Variants in C10orf90 observed in about 807,000 individuals in gnomAD.
C10orf90 encodes (E2-independent) E3 ubiquitin-conjugating enzyme FATS.
A neutral mutation model predicts 62.5 loss-of-function variants in C10orf90; 56 were observed. That is an observed-to-expected ratio of 0.90 (90% CI 0.72 to 1.12). The LOEUF (loss-of-function observed/expected upper bound fraction) is 1.12. Among genes scored for constraint, C10orf90 ranks in the 50% most tolerant of loss-of-function variants. The pLI is 0.00. For synonymous variants in C10orf90, 386 were observed against 340.4 expected (o/e 1.13, Z -1.47); for missense variants, 970 against 880.4 (o/e 1.10, Z -1.29).
At position 126,649,078 on chromosome 10, in the gene C10orf90, C is replaced by G. The variant is rs868610596; in HGVS notation, c.241-2441G>C. On this transcript the variant is annotated intron_variant, in intron 1 of 9. Coordinates refer to ENST00000488181, the MANE Select transcript of C10orf90 (RefSeq NM_001350921.2). ...TCTCTCTCTCTCTCTCTCTCCCCCC[C>G]CCCCAGCAATTCACAATGGATGGCA... 2.5e-3 allele frequency among the ~76,000 whole-genome samples: 260 copies of G among 106,052 alleles called. 3 individuals are homozygous for G. Among genetic ancestry groups the G allele is most frequent in the African/African-American group, 7.4e-3 (203 of 27,554 alleles). 69.6% of individuals were successfully genotyped at this position (106,052 alleles called of 152,430 possible).
At chr10:126,457,085 C>G (rs1404091091) in intron 7 of C10orf90, among the ~76,000 whole-genome samples, 1 of 152,180 alleles carries the variant, frequency 6.6e-6, no homozygotes, top group Non-Finnish European at 1.5e-5. Context: ...CCTAGCGAAG[C>G]TCAGGTGATC....
chr10:126,490,740 T>C (rs1488791151), intron 4 of C10orf90, among the ~76,000 whole-genome samples: 1 of 152,114 alleles, frequency 6.6e-6, no homozygotes, highest in Non-Finnish European at 1.5e-5. Flanking sequence ...AGAATCTATA[T>C]ATCTCTATTT....
intron 2 of C10orf90, chr10:126,524,527 G>A: frequency 1.5e-6 from 1 of 651,014 alleles, no homozygotes; most frequent in Non-Finnish European, 1.9e-6. Context: ...GAGAGTCAGG[G>A]CTTAGGCAGC....
intron 2 of C10orf90, among the ~76,000 whole-genome samples, chr10:126,631,285 G>A (rs901833783): frequency 5.9e-5 from 9 of 152,078 alleles, no homozygotes; most frequent in African/African-American, 1.2e-4. Context: ...TACTACTCAC[G>A]CCATTTCTTG....
intron 4 of C10orf90, among the ~76,000 whole-genome samples, chr10:126,476,908 C>CTT (rs10590718): frequency 0.12 from 14,557 of 120,580 alleles, 1,038 homozygotes; most frequent in Non-Finnish European, 0.14. Context: ...CACCATTTTC[C>CTT]TTTTTTTTTT....
intron 2 of C10orf90, among the ~76,000 whole-genome samples, chr10:126,635,102 A>C (rs751627869): frequency 6.6e-6 from 1 of 152,218 alleles, no homozygotes; most frequent in Non-Finnish European, 1.5e-5. Context: ...TAAAAAGAAC[A>C]AATCAAGCTT....
intron 2 of C10orf90, among the ~76,000 whole-genome samples, chr10:126,639,656 C>A (rs1846021103): frequency 6.6e-6 from 1 of 152,206 alleles, no homozygotes; most frequent in South Asian, 2.1e-4. Flanking sequence ...TGCCTTGGTA[C>A]ACAAGAGGCA....
chr10:126,473,147 C>T (rs892645852), intron 4 of C10orf90, among the ~76,000 whole-genome samples: 2 of 152,196 alleles, frequency 1.3e-5, no homozygotes, highest in Non-Finnish European at 1.5e-5. Context: ...GCCCCACATT[C>T]CTACAACCAC....
In C10orf90 at chr10:126,486,625, A is replaced by G. The variant is rs144786073; in HGVS notation, c.1534+17332T>C. ...AATTAATTTATGAATGAAGAGCATG[A>G]GACTATAAAGATTACCAGAGTGATT... On this transcript the variant is annotated intron_variant, in intron 4 of 9. Transcript: ENST00000488181. Among the ~76,000 whole-genome samples, 377 of 152,296 alleles carry G rather than the reference A, an allele frequency of 2.5e-3. 3 individuals are homozygous for G. The highest frequency in any genetic ancestry group is 8.3e-3 in the African/African-American group (345 of 41,552).
chr10:126,459,834 C>T (rs893575870), intron 6 of C10orf90, among the ~76,000 whole-genome samples: 2 of 152,202 alleles, frequency 1.3e-5, no homozygotes, highest in Non-Finnish European at 2.9e-5. Context: ...CTCCCACCTC[C>T]ATGCACTAAG....
chr10:126,627,074 G>A (rs557919414), intron 2 of C10orf90, among the ~76,000 whole-genome samples: 9 of 144,394 alleles, frequency 6.2e-5, no homozygotes, highest in Non-Finnish European at 8.9e-5. Context: ...ATCTTGGCTC[G>A]CTGCAACCTC....
chr10:126,554,371 G>T lies in C10orf90; in HGVS notation c.314-40432C>A, dbSNP rs184328251. On this transcript the variant is annotated intron_variant, in intron 2 of 9. Coordinates refer to ENST00000488181, the MANE Select transcript of C10orf90 (RefSeq NM_001350921.2). ...TGCTTATCTTGGTGAGGCAGCTGGA[G>T]ATAGTAGTTATGGATGAGGAAAGCC... Among the ~76,000 whole-genome samples, 129 of 152,250 alleles carry T rather than the reference G, an allele frequency of 8.5e-4. 3 individuals carry two copies. The East Asian group carries it at 0.019, about 22-fold the overall frequency.
intron 4 of C10orf90, among the ~76,000 whole-genome samples, chr10:126,485,392 G>T (rs1861374614): frequency 6.6e-6 from 1 of 152,124 alleles, no homozygotes; most frequent in African/African-American, 2.4e-5. Flanking sequence ...AAGTCCACTT[G>T]TATAAATGGA....
At chr10:126,654,971 T>C (rs1000939453) in intron 1 of C10orf90, among the ~76,000 whole-genome samples, 2 of 152,126 alleles carry the variant, frequency 1.3e-5, no homozygotes, top group African/African-American at 4.8e-5. Flanking sequence ...AGCAGTTTCT[T>C]GATTAAGTTT....
intron 4 of C10orf90, among the ~76,000 whole-genome samples, chr10:126,497,458 C>T (rs947315652): frequency 5.3e-5 from 8 of 152,316 alleles, no homozygotes; most frequent in Middle Eastern, 3.4e-3. Flanking sequence ...ATCGCTTCTT[C>T]ACCACGTTCT....
Position 126,493,518 on chromosome 10 carries a change from G to A in C10orf90, c.1534+10439C>T, listed in dbSNP as rs983445701. 2.0e-5 allele frequency among the ~76,000 whole-genome samples: 3 copies of A among 152,106 alleles called. No homozygotes were observed. The East Asian group carries it at 5.8e-4, about 29-fold the overall frequency. ...TGGGATTACAGGTGCCTGCCACCAC[G>A]CCTAGTTTTTGTATTTTTAGTAGAG... is the stretch of plus-strand genomic sequence containing the variant. On this transcript the variant is annotated intron_variant, in intron 4 of 9. Coordinates refer to ENST00000488181, the MANE Select transcript of C10orf90 (RefSeq NM_001350921.2).
chr10:126,521,721 C>A (rs992310360), intron 2 of C10orf90, among the ~76,000 whole-genome samples: 2 of 152,172 alleles, frequency 1.3e-5, no homozygotes, highest in African/African-American at 4.8e-5. Flanking sequence ...AATTTTTTTA[C>A]AAATGGTTTA....
At chr10:126,562,293 C>A (rs1290381206) in intron 2 of C10orf90, among the ~76,000 whole-genome samples, 1 of 152,200 alleles carries the variant, frequency 6.6e-6, no homozygotes, top group Admixed American at 6.5e-5. Context: ...TTACCCCCTG[C>A]CCTCCCTTAG....
At chr10:126,461,640 GCTC>G (rs1859987079) in intron 5 of C10orf90, 55 bp from the exon 6 acceptor site, 1 of 1,541,892 alleles carries the variant, frequency 6.5e-7, no homozygotes, top group African/African-American at 1.4e-5. Flanking sequence ...TTTTCACGTG[GCTC>G]CTCAATACCA....
Sources: allele counts gnomAD v4.1 joint callset (sites outside exome capture counted in the v4.1 genomes callset), GRCh38; gene constraint gnomAD v4.1.1; transcripts MANE v1.5; gene names NCBI Gene and HGNC (gene_info 2026-07-23, HGNC 2026-07-21).